The following CAMSAP1 variants were observed in gnomAD, a reference collection of about 807,000 sequenced individuals.
CAMSAP1 encodes the protein calmodulin-regulated spectrin-associated protein 1.
A neutral mutation model predicts 143.5 loss-of-function variants in CAMSAP1; 58 were observed. The observed-to-expected ratio is 0.40, with a 90% confidence interval of 0.33 to 0.50. The LOEUF (loss-of-function observed/expected upper bound fraction) is 0.50, where lower values mean the gene tolerates loss of function less well. Among genes scored for constraint, CAMSAP1 ranks in the 20% least tolerant of loss-of-function variants. CAMSAP1 has a pLI of 0.45. For missense variants in CAMSAP1, 1,969 were observed against 2,115.7 expected (o/e 0.93, Z 1.36); for synonymous variants, 945 against 859.3 (o/e 1.10, Z -1.74).
intron 7 of CAMSAP1, among the ~76,000 whole-genome samples, chr9:135,838,119 G>A (rs1451316881): frequency 1.8e-5 from 2 of 108,422 alleles, no homozygotes; most frequent in Non-Finnish European, 1.8e-5. Flanking sequence ...CTACAGACAC[G>A]TCATCACACA....
chr9:135,904,404 A>G (rs1461642940), intron 1 of CAMSAP1, among the ~76,000 whole-genome samples: 3 of 146,694 alleles, frequency 2.0e-5, no homozygotes, highest in Admixed American at 1.4e-4. Context: ...GTCCTCCACA[A>G]AAAAAAAAAA....
intron 1 of CAMSAP1, among the ~76,000 whole-genome samples, chr9:135,896,702 G>A (rs936481871): frequency 1.3e-5 from 2 of 152,196 alleles, no homozygotes; most frequent in African/African-American, 4.8e-5. Flanking sequence ...AGACAAAACA[G>A]GAAAATCTCT....
chr9:135,863,052 C>G (rs1419827541), intron 4 of CAMSAP1, among the ~76,000 whole-genome samples: 1 of 152,110 alleles, frequency 6.6e-6, no homozygotes, highest in African/African-American at 2.4e-5. Flanking sequence ...ATATCACTAG[C>G]CTCAGTCATT....
At chr9:135,876,748 C>A (rs1458325267) in intron 3 of CAMSAP1, among the ~76,000 whole-genome samples, 1 of 152,160 alleles carries the variant, frequency 6.6e-6, no homozygotes, top group East Asian at 1.9e-4. Context: ...GTAGCTGACA[C>A]CTGTAATCCC....
chr9:135,828,354 T>A (rs1835747608), intron 7 of CAMSAP1, among the ~76,000 whole-genome samples: 1 of 151,996 alleles, frequency 6.6e-6, no homozygotes, highest in Non-Finnish European at 1.5e-5. Flanking sequence ...AGGAGGGAAG[T>A]AAGGACGAGC....
intron 14 of CAMSAP1, chr9:135,817,759 G>T: frequency 1.9e-6 from 1 of 533,482 alleles, no homozygotes; most frequent in East Asian, 3.3e-5. Context: ...GGACAGGGGA[G>T]GGTGATAAGG....
chr9:135,873,944 C>T (rs1272216328), intron 3 of CAMSAP1, among the ~76,000 whole-genome samples: 9 of 151,922 alleles, frequency 5.9e-5, no homozygotes, highest in Non-Finnish European at 1.2e-4. Flanking sequence ...CAGTATCTGC[C>T]GAGAGCATTG....
intron 7 of CAMSAP1, among the ~76,000 whole-genome samples, chr9:135,829,846 CTG>C (rs933478563): frequency 8.3e-6 from 1 of 120,816 alleles, no homozygotes; most frequent in Non-Finnish European, 1.8e-5. Flanking sequence ...GAGCGAGACT[CTG>C]TCATAAATAA....
Position 135,819,057 on chromosome 9 carries a change from G to A in CAMSAP1, c.3912C>T (p.Arg1304=). 4 of 1,606,046 alleles carry A rather than the reference G, an allele frequency of 2.5e-6. No individual in the cohort carries two copies. The highest frequency in any genetic ancestry group is 3.4e-6 in the Non-Finnish European group (4 of 1,178,122). The change falls in exon 12 of 17, where the codon CGC becomes CGT. Residue 1304 remains arginine, a synonymous_variant. Coordinates refer to ENST00000389532, the MANE Select transcript of CAMSAP1 (RefSeq NM_015447.4). ...CCACCTCCGCTTCCAGCTGCTGCTT[G>A]CGCACGCGGGCCTCCTCGGCCTTGC... The part of the protein sequence containing the change: ...QQRKAEEARV[R]KQQLEAEVEL...
At chr9:135,872,563 A>C (rs1480620141) in intron 3 of CAMSAP1, among the ~76,000 whole-genome samples, 1 of 152,280 alleles carries the variant, frequency 6.6e-6, no homozygotes, top group African/African-American at 2.4e-5. Context: ...ACACTCTAAG[A>C]GATTGTCAGA....
At chr9:135,899,386 C>T (rs1232724945) in intron 1 of CAMSAP1, among the ~76,000 whole-genome samples, 4 of 147,780 alleles carry the variant, frequency 2.7e-5, no homozygotes, top group Admixed American at 6.8e-5. Flanking sequence ...CCCAGGAGTT[C>T]GAGACCATCC....
chr9:135,828,700 C>T (rs1006044479), intron 7 of CAMSAP1, among the ~76,000 whole-genome samples: 1 of 152,194 alleles, frequency 6.6e-6, no homozygotes, highest in African/African-American at 2.4e-5. Flanking sequence ...CCCTGCTGGC[C>T]CCACGCTTAG....
Position 135,815,879 on chromosome 9 carries a change from AACG to A in CAMSAP1, c.4387+8_4387+10del, listed in dbSNP as rs750420561. ...CCCACGATGACCTCTAAGGAGGGCG[AACG>A]CCGTCACCTGTGTACTCGGCCACTG... On this transcript the variant is annotated splice_region_variant and intron_variant, in intron 15 of 16. Coordinates refer to ENST00000389532, the MANE Select transcript of CAMSAP1 (RefSeq NM_015447.4). The A allele has an allele frequency of 2.3e-5, 37 of 1,611,402 alleles. No individual in the cohort carries two copies. The highest frequency in any genetic ancestry group is 3.0e-5 in the Non-Finnish European group (35 of 1,178,086).
At chr9:135,875,196 A>G (rs1427647660) in intron 3 of CAMSAP1, among the ~76,000 whole-genome samples, 1 of 145,526 alleles carries the variant, frequency 6.9e-6, no homozygotes, top group East Asian at 2.0e-4. Context: ...CAAAGGACCT[A>G]GAATAGTGAA....
At chr9:135,881,925 A>T in intron 2 of CAMSAP1, 131 bp from the exon 3 acceptor site, 1 of 1,144,390 alleles carries the variant, frequency 8.7e-7, no homozygotes, top group Non-Finnish European at 1.2e-6. Context: ...CTGAAGAGAT[A>T]CTCAGATTTG....
chr9:135,838,698 G>C (rs957225803), intron 7 of CAMSAP1, among the ~76,000 whole-genome samples: 1 of 146,042 alleles, frequency 6.8e-6, no homozygotes, highest in Non-Finnish European at 1.5e-5. Flanking sequence ...ACGTCATCAC[G>C]CACTTTCCAC....
At chr9:135,869,429 G>A (rs1198362819) in intron 3 of CAMSAP1, among the ~76,000 whole-genome samples, 1 of 151,968 alleles carries the variant, frequency 6.6e-6, no homozygotes, top group East Asian at 1.9e-4. Context: ...CTTGAACCCA[G>A]GAGGCAGAGG....
chr9:135,862,934 C>T (rs1330571959), intron 4 of CAMSAP1, among the ~76,000 whole-genome samples: 1 of 152,130 alleles, frequency 6.6e-6, no homozygotes, highest in Non-Finnish European at 1.5e-5. Context: ...ACACAGAACA[C>T]ACACCTACAC....
At chr9:135,873,638 T>C (rs1348286050) in intron 3 of CAMSAP1, among the ~76,000 whole-genome samples, 1 of 151,988 alleles carries the variant, frequency 6.6e-6, no homozygotes, top group Non-Finnish European at 1.5e-5. Context: ...AATAAAGAAA[T>C]ATAAACCTTA....
Sources: allele counts gnomAD v4.1 joint callset (sites outside exome capture counted in the v4.1 genomes callset), GRCh38; gene constraint gnomAD v4.1.1; transcripts MANE v1.5; gene names NCBI Gene and HGNC (gene_info 2026-07-23, HGNC 2026-07-21).